The following CASTOR2 variants were observed in gnomAD, a reference collection of about 807,000 sequenced individuals.
The protein encoded by CASTOR2 is cytosolic arginine sensor for mTORC1 subunit 2.
A neutral mutation model predicts 31.2 loss-of-function variants in CASTOR2; 8 were observed. That is an observed-to-expected ratio of 0.26 (90% CI 0.15 to 0.46). CASTOR2 has a LOEUF of 0.46. Among genes scored for constraint, CASTOR2 ranks in the 20% least tolerant of loss-of-function variants. The pLI is 0.99. For synonymous variants in CASTOR2, 162 were observed against 158.7 expected, an observed-to-expected ratio of 1.02 and a Z score of -0.16; for missense variants, 216 against 382.1, an observed-to-expected ratio of 0.57 and a Z score of 3.62.
intron 1 of CASTOR2, among the ~76,000 whole-genome samples, chr7:75,003,451 A>G (rs1804540459): frequency 6.6e-6 from 1 of 151,564 alleles, no homozygotes; most frequent in South Asian, 2.1e-4. Flanking sequence ...GCCTGTCTCA[A>G]AAAAGAAAAA....
chr7:74,997,055 T>A (rs1437014826), intron 1 of CASTOR2, among the ~76,000 whole-genome samples: 28 of 151,858 alleles, frequency 1.8e-4, no homozygotes, highest in African/African-American at 3.4e-4. Flanking sequence ...TTTTTAATTT[T>A]ATTTTTTATT....
At chr7:75,019,201 G>A (rs1363555324) in intron 5 of CASTOR2, 106 bp downstream of exon 5, 7 of 1,536,448 alleles carry the variant, frequency 4.6e-6, no homozygotes, top group Non-Finnish European at 6.2e-6. Context: ...GAGCTCATCT[G>A]AGGGAAGAGA....
chr7:74,998,201 T>A (rs1439568585), intron 1 of CASTOR2, among the ~76,000 whole-genome samples: 2 of 152,168 alleles, frequency 1.3e-5, no homozygotes, highest in Non-Finnish European at 2.9e-5. Context: ...ATGGGAATCA[T>A]TCTACAGCAC....
chr7:74,982,381 C>T (rs1803965997), intron 1 of CASTOR2, among the ~76,000 whole-genome samples: 1 of 151,786 alleles, frequency 6.6e-6, no homozygotes, highest in Admixed American at 6.6e-5. Flanking sequence ...GCCCCAGCCA[C>T]CCAGGGCTTG....
At chr7:75,009,004 T>G in intron 2 of CASTOR2, among the ~76,000 whole-genome samples, 1 of 152,188 alleles carries the variant, frequency 6.6e-6, no homozygotes, top group East Asian at 1.9e-4. Context: ...TCACCCAGGC[T>G]GGAGTGCAAT....
At chr7:74,992,152 G>T (rs1283316969) in intron 1 of CASTOR2, among the ~76,000 whole-genome samples, 5 of 152,096 alleles carry the variant, frequency 3.3e-5, no homozygotes, top group Admixed American at 2.0e-4. Context: ...GGCTCAGGGG[G>T]ATGGGTCACT....
chr7:75,024,648 C>T lies in CASTOR2; in HGVS notation c.939C>T (p.Asn313=). Residue 313 remains asparagine, a synonymous_variant, in exon 9 of 9, where the codon AAC becomes AAT. Transcript: ENST00000616305. ...KFDHALVPEE[N]INGVISALKV... The stretch of plus-strand genomic sequence containing the variant: ...CCCCTGCACAGGTCCCCGAAGAGAA[C>T]ATCAATGGTGTCATCAGTGCCCTGA... The T allele has an allele frequency of 6.4e-7, 1 of 1,551,588 alleles. No homozygotes were observed. Among genetic ancestry groups the T allele is most frequent in the Non-Finnish European group, 8.7e-7 (1 of 1,146,832 alleles).
intron 1 of CASTOR2, among the ~76,000 whole-genome samples, chr7:75,002,161 A>G (rs1804514626): frequency 6.6e-6 from 1 of 151,650 alleles, no homozygotes; most frequent in Admixed American, 6.6e-5. Context: ...CCCAACCTCA[A>G]GAGATCCATT....
intron 1 of CASTOR2, among the ~76,000 whole-genome samples, chr7:74,981,806 C>G (rs1803951290): frequency 1.4e-5 from 2 of 145,950 alleles, no homozygotes; most frequent in South Asian, 4.5e-4. Flanking sequence ...GTGGCTCACG[C>G]CTATAATCCC....
intron 1 of CASTOR2, among the ~76,000 whole-genome samples, chr7:74,994,405 T>C (rs1238797552): frequency 6.6e-6 from 1 of 152,194 alleles, no homozygotes; most frequent in Non-Finnish European, 1.5e-5. Flanking sequence ...AGCCTCAGTT[T>C]CCTCATCTGT....
intron 1 of CASTOR2, among the ~76,000 whole-genome samples, chr7:74,992,637 A>G (rs1804239018): frequency 6.6e-6 from 1 of 152,020 alleles, no homozygotes; most frequent in South Asian, 2.1e-4. Context: ...ACGGGGTTTC[A>G]CCACATTGGC....
intron 1 of CASTOR2, among the ~76,000 whole-genome samples, chr7:74,981,691 T>A (rs1429325844): frequency 1.3e-5 from 2 of 151,558 alleles, no homozygotes; most frequent in South Asian, 2.1e-4. Flanking sequence ...CCTCCTAAAG[T>A]GCTGGGATTA....
intron 5 of CASTOR2, among the ~76,000 whole-genome samples, chr7:75,019,532 T>C (rs896223868): frequency 6.6e-6 from 1 of 151,946 alleles, no homozygotes; most frequent in Non-Finnish European, 1.5e-5. Flanking sequence ...GTCTCAGGGG[T>C]GAGACATCCT....
At chr7:75,023,654 G>T (rs1170667556) in intron 7 of CASTOR2, among the ~76,000 whole-genome samples, 1 of 151,802 alleles carries the variant, frequency 6.6e-6, no homozygotes, top group African/African-American at 2.4e-5. Context: ...TGGCCAGGCT[G>T]GTCTCGAACT....
At chr7:75,007,082 G>T (rs1326305219) in intron 1 of CASTOR2, among the ~76,000 whole-genome samples, 1 of 152,106 alleles carries the variant, frequency 6.6e-6, no homozygotes, top group African/African-American at 2.4e-5. Flanking sequence ...AGTGGCCAGG[G>T]GTCAGTTTCC....
chr7:74,965,882 A>ACT (rs1162058092), intron 1 of CASTOR2, among the ~76,000 whole-genome samples: 271 of 18,908 alleles, frequency 0.014, 39 homozygotes, highest in African/African-American at 0.043. Context: ...ACACACACAC[A>ACT]CTCTCTCTCT....
At chr7:75,021,776 G>A in intron 6 of CASTOR2, 98 bp from the exon 7 acceptor site, 1 of 1,464,344 alleles carries the variant, frequency 6.8e-7, no homozygotes, top group Non-Finnish European at 9.4e-7. Context: ...ACCCTGCCTG[G>A]CCAGCCCCAT....
chr7:74,993,527 T>C (rs1304121119), intron 1 of CASTOR2, among the ~76,000 whole-genome samples: 1 of 143,950 alleles, frequency 6.9e-6, no homozygotes, highest in Non-Finnish European at 1.5e-5. Context: ...CTCTGCTCAC[T>C]GCAACATCCA....
chr7:75,027,625 G>A lies in CASTOR2; in HGVS notation c.*2926G>A, dbSNP rs1258901744. 2.3e-5 allele frequency: 5 copies of A among 213,018 alleles called. No individual in the cohort carries two copies. Among genetic ancestry groups the A allele is most frequent in the African/African-American group, 1.2e-4 (5 of 42,314 alleles). The allele number at this position is 213,018 out of a possible 1,614,324, so 13.2% of individuals were successfully genotyped here. A position where few individuals can be genotyped will look rare whatever the true frequency, so the allele number is the denominator to read the frequency against. ...AAAAGCATGTGTGTCGGGGCGCGCT[G>A]GGGCCAGGGTATGGCTCTCCGCCCT... On this transcript the variant is annotated 3_prime_UTR_variant, in exon 9 of 9. Coordinates refer to ENST00000616305, the MANE Select transcript of CASTOR2 (RefSeq NM_001145064.3).
Sources: gnomAD v4.1 joint callset for allele counts (sites outside exome capture counted in the v4.1 genomes callset) on GRCh38, gnomAD v4.1.1 for gene constraint, MANE v1.5 for transcripts, NCBI Gene and HGNC (gene_info 2026-07-23, HGNC 2026-07-21) for gene names.